MDGA2: variants seen among roughly 807,000 people sequenced by gnomAD.
The protein encoded by MDGA2 is MAM domain-containing glycosylphosphatidylinositol anchor protein 2.
In MDGA2, 40 loss-of-function variants were observed where a neutral mutation model predicts 117.8. The ratio of observed to expected loss-of-function variants is 0.34; its 90% CI spans 0.26 to 0.44. MDGA2 has a LOEUF of 0.44. Among genes scored for constraint, MDGA2 ranks in the 20% least tolerant of loss-of-function variants. MDGA2 has a pLI of 1.00. For synonymous variants in MDGA2, 452 were observed against 439.0 expected (o/e 1.03, Z -0.37); for missense variants, 1,123 against 1,250.6 (o/e 0.90, Z 1.54).
chr14:47,035,353 A>T, intron 7 of MDGA2, 49 bp from the exon 8 acceptor site: 1 of 1,422,738 alleles, frequency 7.0e-7, no homozygotes, highest in Non-Finnish European at 9.6e-7. Flanking sequence ...AAACTGGTAA[A>T]GCATATTCAG....
At chr14:47,004,394 A>G (rs1300976790) in intron 8 of MDGA2, among the ~76,000 whole-genome samples, 1 of 151,800 alleles carries the variant, frequency 6.6e-6, no homozygotes, top group African/African-American at 2.4e-5. Context: ...ATCCACATAT[A>G]TATGGGTTTA....
intron 2 of MDGA2, among the ~76,000 whole-genome samples, chr14:47,230,810 A>C (rs969517773): frequency 7.9e-5 from 12 of 152,098 alleles, no homozygotes; most frequent in African/African-American, 2.9e-4. Flanking sequence ...AACAATATAC[A>C]TTAAAGAGGA....
At chr14:47,266,386 C>T (rs1887965691) in intron 2 of MDGA2, among the ~76,000 whole-genome samples, 1 of 152,136 alleles carries the variant, frequency 6.6e-6, no homozygotes, top group African/African-American at 2.4e-5. Flanking sequence ...CGTTCATCTC[C>T]ACTGCCACTA....
intron 1 of MDGA2, among the ~76,000 whole-genome samples, chr14:47,370,678 C>A (rs755228091): frequency 2.0e-5 from 3 of 150,994 alleles, no homozygotes; most frequent in African/African-American, 7.3e-5. Flanking sequence ...CCTTCTAGCA[C>A]AGCTTATATT....
intron 1 of MDGA2, among the ~76,000 whole-genome samples, chr14:47,417,702 T>A (rs867154822): frequency 2.0e-5 from 3 of 152,022 alleles, no homozygotes; most frequent in Non-Finnish European, 4.4e-5. Flanking sequence ...CCTCACTCCT[T>A]CTGGTACCAA....
chr14:47,014,987 C>A (rs576217499), intron 8 of MDGA2, among the ~76,000 whole-genome samples: 5 of 152,198 alleles, frequency 3.3e-5, no homozygotes, highest in African/African-American at 4.8e-5. Context: ...ATGTAAGACT[C>A]TTCCTTTCAC....
At chr14:47,382,249 C>A (rs1891651981) in intron 1 of MDGA2, among the ~76,000 whole-genome samples, 1 of 152,156 alleles carries the variant, frequency 6.6e-6, no homozygotes, top group Admixed American at 6.5e-5. Context: ...ACCATAAAAT[C>A]CCTAGAAGAA....
intron 1 of MDGA2, among the ~76,000 whole-genome samples, chr14:47,319,875 G>A (rs1435988322): frequency 6.6e-6 from 1 of 152,182 alleles, no homozygotes; most frequent in Non-Finnish European, 1.5e-5. Flanking sequence ...TTTATTTAGA[G>A]TTAGGATCTT....
At chr14:47,427,385 G>C (rs56099016) in intron 1 of MDGA2, among the ~76,000 whole-genome samples, 1 of 152,236 alleles carries the variant, frequency 6.6e-6, no homozygotes, top group Non-Finnish European at 1.5e-5. Context: ...GGATGGCTAT[G>C]ATCTTCAAAT....
chr14:47,245,961 T>C (rs1887223091), intron 2 of MDGA2, among the ~76,000 whole-genome samples: 1 of 151,852 alleles, frequency 6.6e-6, no homozygotes, highest in South Asian at 2.1e-4. Flanking sequence ...GACGAAGAAA[T>C]TGAGGTAAGA....
intron 3 of MDGA2, among the ~76,000 whole-genome samples, chr14:47,199,668 A>G (rs1361017724): frequency 6.6e-6 from 1 of 152,170 alleles, no homozygotes; most frequent in Non-Finnish European, 1.5e-5. Context: ...CATTATGTGG[A>G]ATAAATATTA....
intron 10 of MDGA2, among the ~76,000 whole-genome samples, chr14:46,891,795 T>C (rs566473877): frequency 6.6e-6 from 1 of 151,618 alleles, no homozygotes; most frequent in South Asian, 2.1e-4. Flanking sequence ...TTCCTTATTA[T>C]TGGATTTTTT....
At chr14:47,187,242 A>C (rs1884944324) in intron 3 of MDGA2, among the ~76,000 whole-genome samples, 1 of 152,002 alleles carries the variant, frequency 6.6e-6, no homozygotes, top group South Asian at 2.1e-4. Flanking sequence ...ACCTATGTAA[A>C]TCCCAGCAAC....
At chr14:47,381,858 C>A (rs1891636777) in intron 1 of MDGA2, among the ~76,000 whole-genome samples, 1 of 152,122 alleles carries the variant, frequency 6.6e-6, no homozygotes, top group Non-Finnish European at 1.5e-5. Flanking sequence ...TTGGAAAAAA[C>A]TACTTTAAAA....
chr14:46,863,691 TACTC>T (rs2138329692), intron 14 of MDGA2, among the ~76,000 whole-genome samples: 1 of 152,266 alleles, frequency 6.6e-6, no homozygotes, highest in Non-Finnish European at 1.5e-5. Context: ...TTCTCAGCCT[TACTC>T]AGTTCATATC....
At chr14:46,916,321 T>A (rs1337100427) in intron 10 of MDGA2, among the ~76,000 whole-genome samples, 8 of 152,268 alleles carry the variant, frequency 5.3e-5, no homozygotes, top group African/African-American at 1.7e-4. Context: ...TACAGAGACC[T>A]GAGTTCGAGC....
chr14:47,290,981 A>G (rs1485443022), intron 2 of MDGA2, among the ~76,000 whole-genome samples: 1 of 152,168 alleles, frequency 6.6e-6, no homozygotes, highest in Non-Finnish European at 1.5e-5. Context: ...GAGGCTTTTC[A>G]AACAGCAATT....
At chr14:47,552,100 G>T (rs1895593050) in intron 1 of MDGA2, among the ~76,000 whole-genome samples, 1 of 151,984 alleles carries the variant, frequency 6.6e-6, no homozygotes. Context: ...CTCCTCCCTT[G>T]CCATTTCATA....
chr14:47,636,784 CAAAAAAAAAAAAAAAAAAA>C (rs56313968), intron 1 of MDGA2, among the ~76,000 whole-genome samples: 1 of 45,990 alleles, frequency 2.2e-5, no homozygotes, highest in South Asian at 1.5e-3. Flanking sequence ...GACTCCGTCT[CAAAAAAAAAAAAAAAAAAA>C]AAAAAAAAAA....
Sources: gnomAD v4.1 joint callset for allele counts (sites outside exome capture counted in the v4.1 genomes callset) on GRCh38, gnomAD v4.1.1 for gene constraint, MANE v1.5 for transcripts, NCBI Gene and HGNC (gene_info 2026-07-23, HGNC 2026-07-21) for gene names.